PDGFD: variants seen among roughly 807,000 people sequenced by gnomAD.
PDGFD encodes the protein platelet derived growth factor D.
In PDGFD, 30 loss-of-function variants were observed where a neutral mutation model predicts 44.7. The ratio of observed to expected loss-of-function variants is 0.67; its 90% CI spans 0.50 to 0.91. PDGFD has a LOEUF of 0.91. PDGFD is among the 40% of genes least tolerant of loss of function. The pLI is 0.00. For synonymous variants in PDGFD, 173 were observed against 168.4 expected, an observed-to-expected ratio of 1.03 and a Z score of -0.21; for missense variants, 445 against 457.8, an observed-to-expected ratio of 0.97 and a Z score of 0.25.
At chr11:103,967,424 GAA>G (rs1319412315) in intron 3 of PDGFD, among the ~76,000 whole-genome samples, 2 of 152,140 alleles carry the variant, frequency 1.3e-5, no homozygotes, top group Non-Finnish European at 2.9e-5. Context: ...CTCTTAATCT[GAA>G]GTCTTAGATG....
chr11:104,101,789 T>A (rs919875124), intron 1 of PDGFD, among the ~76,000 whole-genome samples: 2 of 151,944 alleles, frequency 1.3e-5, no homozygotes, highest in Non-Finnish European at 2.9e-5. Context: ...TACAACTATC[T>A]GATCTTTGAC....
chr11:104,021,010 C>T (rs1859942428), intron 1 of PDGFD, among the ~76,000 whole-genome samples: 1 of 152,158 alleles, frequency 6.6e-6, no homozygotes, highest in African/African-American at 2.4e-5. Flanking sequence ...CCTTCATTGA[C>T]AATTTCTTGC....
intron 1 of PDGFD, among the ~76,000 whole-genome samples, chr11:104,072,718 A>G (rs1243866414): frequency 6.6e-6 from 1 of 151,966 alleles, no homozygotes; most frequent in Non-Finnish European, 1.5e-5. Context: ...TAGTGTACAT[A>G]TATTTTATAA....
chr11:103,942,861 A>G (rs780881372), intron 5 of PDGFD, among the ~76,000 whole-genome samples: 1 of 152,158 alleles, frequency 6.6e-6, no homozygotes, highest in Non-Finnish European at 1.5e-5. Context: ...GACATTGGCA[A>G]ATTACTTACT....
chr11:103,940,695 A>G (rs1251486881), intron 5 of PDGFD, among the ~76,000 whole-genome samples: 3 of 152,178 alleles, frequency 2.0e-5, no homozygotes, highest in Non-Finnish European at 4.4e-5. Flanking sequence ...GTGATTCAGC[A>G]TCAATGGAAT....
chr11:103,910,646 T>C (rs1475418944), intron 6 of PDGFD, among the ~76,000 whole-genome samples: 1 of 152,216 alleles, frequency 6.6e-6, no homozygotes, highest in East Asian at 1.9e-4. Flanking sequence ...ACCAGGGCCC[T>C]GGGTTTCAAG....
At chr11:104,119,834 CAATT>C (rs1565341196) in intron 1 of PDGFD, among the ~76,000 whole-genome samples, 4 of 107,184 alleles carry the variant, frequency 3.7e-5, no homozygotes, top group East Asian at 2.9e-4. Flanking sequence ...ACTATATAAT[CAATT>C]ATTATATATT....
chr11:104,012,804 G>A (rs1003427354), intron 1 of PDGFD, among the ~76,000 whole-genome samples: 1 of 152,208 alleles, frequency 6.6e-6, no homozygotes, highest in African/African-American at 2.4e-5. Context: ...TTTTAGTACT[G>A]TAATATTTAG....
intron 5 of PDGFD, among the ~76,000 whole-genome samples, chr11:103,940,484 A>T (rs1312185273): frequency 6.6e-6 from 1 of 152,128 alleles, no homozygotes; most frequent in Non-Finnish European, 1.5e-5. Flanking sequence ...CTTTTTGGAG[A>T]TCCTGAAAAG....
chr11:104,038,019 G>GT, intron 1 of PDGFD: 1 of 1,605,568 alleles, frequency 6.2e-7, no homozygotes, highest in Non-Finnish European at 8.5e-7. Context: ...ATTAAAGCAC[G>GT]TTATAAATAT....
intron 3 of PDGFD, among the ~76,000 whole-genome samples, chr11:103,970,659 T>A (rs1365972613): frequency 6.6e-6 from 1 of 152,120 alleles, no homozygotes; most frequent in Non-Finnish European, 1.5e-5. Context: ...GACTAAGGAA[T>A]TAAGTACTTG....
chr11:104,031,930 G>A (rs1860131913), intron 1 of PDGFD, among the ~76,000 whole-genome samples: 1 of 152,150 alleles, frequency 6.6e-6, no homozygotes, highest in African/African-American at 2.4e-5. Context: ...ATTTATAAGT[G>A]GGAGCTGAAC....
intron 1 of PDGFD, among the ~76,000 whole-genome samples, chr11:104,044,010 A>T (rs1359574612): frequency 6.6e-6 from 1 of 152,242 alleles, no homozygotes; most frequent in Non-Finnish European, 1.5e-5. Flanking sequence ...TTTGGGGCTT[A>T]CACAATAGGC....
At chr11:104,013,463 C>T (rs1181654132) in intron 1 of PDGFD, among the ~76,000 whole-genome samples, 1 of 152,120 alleles carries the variant, frequency 6.6e-6, no homozygotes, top group Non-Finnish European at 1.5e-5. Context: ...CCCAAAAGCA[C>T]TCAACCCAGC....
chr11:103,962,510 T>G lies in PDGFD; in HGVS notation c.511-14786A>C, dbSNP rs73600281. On this transcript the variant is annotated intron_variant, in intron 3 of 6. Coordinates refer to ENST00000393158, the MANE Select transcript of PDGFD (RefSeq NM_025208.5). The stretch of plus-strand genomic sequence containing the variant: ...AAAGGATCTCTGAGTACAAACAAAA[T>G]AAAAGCAAACTCCATGCCTGTAAAT... Among the ~76,000 whole-genome samples the G allele has an allele frequency of 4.6e-3, 697 of 152,174 alleles. 5 individuals are homozygous for G. Among genetic ancestry groups the G allele is most frequent in the African/African-American group, 0.016 (682 of 41,552 alleles).
intron 2 of PDGFD, 70 bp downstream of exon 2, chr11:103,999,981 G>T (rs1259946291): frequency 1.3e-5 from 18 of 1,346,756 alleles, no homozygotes; most frequent in Non-Finnish European, 1.8e-5. Flanking sequence ...TGTTTGATAC[G>T]ATGCTTTAAA....
intron 1 of PDGFD, among the ~76,000 whole-genome samples, chr11:104,070,374 C>T (rs1186075090): frequency 1.3e-5 from 2 of 152,138 alleles, no homozygotes; most frequent in African/African-American, 4.8e-5. Context: ...TTCATTCTAA[C>T]TTTTTTCTTT....
chr11:103,918,879 GAA>G lies in PDGFD; in HGVS notation c.987+8031_987+8032del, dbSNP rs1858166425. Among the ~76,000 whole-genome samples, 3 of 152,296 alleles carry G rather than the reference GAA, an allele frequency of 2.0e-5. 1 individual carries two copies. The South Asian group carries it at 6.2e-4, about 32-fold the overall frequency. ...AGAAAAATGAAAAGCCTTTATCTGA[GAA>G]AGCAAACTGGCGGTTATAGGTTATC... is the stretch of plus-strand genomic sequence containing the variant. On this transcript the variant is annotated intron_variant, in intron 6 of 6. Transcript: ENST00000393158.
chr11:103,971,529 A>C (rs908777946), intron 3 of PDGFD, among the ~76,000 whole-genome samples: 1 of 145,412 alleles, frequency 6.9e-6, no homozygotes, highest in African/African-American at 2.5e-5. Flanking sequence ...GAAATGGATT[A>C]ACAGCAATGT....
Sources: allele counts gnomAD v4.1 joint callset (sites outside exome capture counted in the v4.1 genomes callset), GRCh38; gene constraint gnomAD v4.1.1; transcripts MANE v1.5; gene names NCBI Gene and HGNC (gene_info 2026-07-23, HGNC 2026-07-21).